Variants in PLET1 observed in about 807,000 individuals in gnomAD.
PLET1 encodes placenta expressed transcript 1.
In PLET1, 20 loss-of-function variants were observed where a neutral mutation model predicts 18.5. The ratio of observed to expected loss-of-function variants is 1.08; its 90% confidence interval spans 0.76 to 1.57. PLET1 has a LOEUF of 1.57. Among genes scored for constraint, PLET1 ranks in the 40% most tolerant of loss-of-function variants. The pLI is 0.00. For missense variants in PLET1, 256 were observed against 246.4 expected, an observed-to-expected ratio of 1.04 and a Z score of -0.26; for synonymous variants, 93 against 93.8, an observed-to-expected ratio of 0.99 and a Z score of 0.05.
rs541073906 is a variant in PLET1, at chr11:112,255,963, A to T, written c.185-374T>A. Among the ~76,000 whole-genome samples, 69 of 152,290 alleles carry T rather than the reference A, an allele frequency of 4.5e-4. No individual in the cohort carries two copies. In the East Asian group the frequency reaches 9.7e-3, roughly 21 times the overall value. ...TCTTTACCTCTCTGAGCCGGGGCCC[A>T]TTTCTCAGATGAGAAGACAAGCCTG... On this transcript the variant is annotated intron_variant, in intron 1 of 3. Coordinates refer to ENST00000338832, the MANE Select transcript of PLET1 (RefSeq NM_001145024.1).
Position 112,248,884 on chromosome 11 carries a change from C to T in PLET1, c.539G>A (p.Gly180Asp), listed in dbSNP as rs28548361. The T allele has an allele frequency of 1.3e-6, 2 of 1,551,430 alleles. No individual in the cohort carries two copies. Among genetic ancestry groups the T allele is most frequent in the Non-Finnish European group, 1.7e-6 (2 of 1,146,938 alleles). Residue 180 changes from glycine to aspartate, a missense_variant, in exon 4 of 4, where the codon GGC becomes GAC. Physicochemically the swap from Gly to Asp is moderately conservative, Grantham distance 94. Transcript: ENST00000338832. Reference sequence around the variant, plus strand: ...GCTGCTGAAGACTTGGTTGGCCAAGCCTTCGAGTCTGATACTCTTGGGTGT... The same window carrying T: ...GCTGCTGAAGACTTGGTTGGCCAAGTCTTCGAGTCTGATACTCTTGGGTGT... ...MITPKSIRLE[G>D]LANQVFSSPI...
chr11:112,252,667 A>G (rs1246727993), intron 2 of PLET1, among the ~76,000 whole-genome samples: 1 of 152,058 alleles, frequency 6.6e-6, no homozygotes, highest in Non-Finnish European at 1.5e-5. Flanking sequence ...GCTGGTACAC[A>G]TACCTCTGGT....
At chr11:112,255,176 TGTG>T (rs1239849287) in intron 2 of PLET1, among the ~76,000 whole-genome samples, 4 of 151,004 alleles carry the variant, frequency 2.6e-5, no homozygotes, top group Non-Finnish European at 5.9e-5. Flanking sequence ...TGAGTGTGTG[TGTG>T]GTATGTGGTG....
intron 3 of PLET1, among the ~76,000 whole-genome samples, chr11:112,249,675 G>A (rs1860134809): frequency 6.6e-6 from 1 of 152,148 alleles, no homozygotes; most frequent in African/African-American, 2.4e-5. Context: ...AGGTCTGTAA[G>A]GAAGAGGAAG....
At chr11:112,249,767 G>A (rs1302121911) in intron 3 of PLET1, among the ~76,000 whole-genome samples, 1 of 151,936 alleles carries the variant, frequency 6.6e-6, no homozygotes, top group East Asian at 1.9e-4. Context: ...GACCAGCCTG[G>A]CCAACATGGT....
intron 1 of PLET1, chr11:112,260,198 T>C (rs1592893227): frequency 1.9e-6 from 1 of 534,096 alleles, no homozygotes; most frequent in African/African-American, 1.9e-5. Flanking sequence ...CTCGCTCCTG[T>C]GGCTTGAGTT....
chr11:112,252,243 T>C, intron 3 of PLET1, 105 bp downstream of exon 3: 1 of 963,424 alleles, frequency 1.0e-6, no homozygotes, highest in South Asian at 1.4e-5. Flanking sequence ...GATAGCTGAG[T>C]GATGCGTGGT....
chr11:112,260,245 C>T, intron 1 of PLET1, 161 bp downstream of exon 1: 1 of 781,144 alleles, frequency 1.3e-6, no homozygotes, highest in South Asian at 2.1e-5. Context: ...CCAGCCCACT[C>T]CCTTAATTCT....
chr11:112,256,656 G>A (rs893416467), intron 1 of PLET1, among the ~76,000 whole-genome samples: 3 of 152,196 alleles, frequency 2.0e-5, no homozygotes, highest in African/African-American at 7.2e-5. Context: ...GGGAGTACTG[G>A]ATAAATTGCA....
chr11:112,250,968 C>A (rs11214154), intron 3 of PLET1, among the ~76,000 whole-genome samples: 3,360 of 152,234 alleles, frequency 0.022, 123 homozygotes, highest in African/African-American at 0.076. Context: ...TATAATTCTC[C>A]CTTTGAACAC....
intron 1 of PLET1, among the ~76,000 whole-genome samples, chr11:112,259,544 T>C (rs532771427): frequency 1.0e-3 from 152 of 152,274 alleles, no homozygotes; most frequent in African/African-American, 3.2e-3. Context: ...CAGACTAAGA[T>C]TCAAGAGCCA....
chr11:112,260,191 G>T (rs542347870), intron 1 of PLET1: 16 of 501,506 alleles, frequency 3.2e-5, no homozygotes, highest in Non-Finnish European at 5.2e-5. Flanking sequence ...GGGCTTTCTC[G>T]CTCCTGTGGC....
intron 3 of PLET1, among the ~76,000 whole-genome samples, chr11:112,251,727 A>G (rs1419514738): frequency 6.6e-6 from 1 of 152,176 alleles, no homozygotes. Context: ...TTTGTTATAT[A>G]TAGCTCCTTA....
chr11:112,252,542 C>A, intron 2 of PLET1, 133 bp from the exon 3 acceptor site: 2 of 736,998 alleles, frequency 2.7e-6, no homozygotes, highest in South Asian at 1.7e-5. Context: ...ATGAGCAGAT[C>A]ATTAAATACT....
chr11:112,252,471 G>T, intron 2 of PLET1, 62 bp from the exon 3 acceptor site: 1 of 1,454,974 alleles, frequency 6.9e-7, no homozygotes. Context: ...CACAAGTTCA[G>T]CTCACATTTC....
At chr11:112,254,780 T>TG (rs1566829063) in intron 2 of PLET1, among the ~76,000 whole-genome samples, 2 of 129,456 alleles carry the variant, frequency 1.5e-5, no homozygotes, top group South Asian at 2.5e-4. Flanking sequence ...GTGGTACGCA[T>TG]CGTGTGTGTG....
In PLET1 at chr11:112,248,627, C is replaced by T. The variant is rs189490706; in HGVS notation, c.*172G>A. ...CAGATGAACATCTATGTGACCCAAG[C>T]CTGCCAATGAGTGCCTCCAGATCTT... On this transcript the variant is annotated 3_prime_UTR_variant, in exon 4 of 4. Transcript: ENST00000338832. 9.0e-5 allele frequency: 60 copies of T among 668,554 alleles called. No individual in the cohort carries two copies. The East Asian group carries it at 1.2e-3, about 13-fold the overall frequency. The allele number at this position is 668,554 out of a possible 1,614,324, so 41.4% of individuals were successfully genotyped here.
intron 3 of PLET1, among the ~76,000 whole-genome samples, chr11:112,249,858 G>A (rs2135415737): frequency 6.6e-6 from 1 of 151,546 alleles, no homozygotes; most frequent in Non-Finnish European, 1.5e-5. Context: ...TCAGGGGGCT[G>A]AGGCAGGAGA....
intron 3 of PLET1, among the ~76,000 whole-genome samples, chr11:112,249,904 C>T (rs896343018): frequency 7.8e-5 from 11 of 141,782 alleles, no homozygotes; most frequent in South Asian, 2.3e-4. Context: ...TTGCAGTGAA[C>T]GGAGGTTGCG....
Sources: gnomAD v4.1 joint callset for allele counts (sites outside exome capture counted in the v4.1 genomes callset) on GRCh38, gnomAD v4.1.1 for gene constraint, MANE v1.5 for transcripts, NCBI Gene and HGNC (gene_info 2026-07-23, HGNC 2026-07-21) for gene names.